Variants in CDKL5 observed in about 807,000 individuals in gnomAD.
CDKL5 encodes cyclin-dependent kinase-like 5.
A neutral mutation model predicts 61.7 loss-of-function variants in CDKL5; 8 were observed. That is an observed-to-expected ratio of 0.13 (90% CI 0.08 to 0.23). CDKL5 has a LOEUF of 0.23. Among genes scored for constraint, CDKL5 ranks in the 10% least tolerant of loss-of-function variants. The pLI, the probability that CDKL5 is intolerant of heterozygous loss-of-function variation, is 1.00. For synonymous variants in CDKL5, 275 were observed against 272.3 expected (o/e 1.01, Z -0.10); for missense variants, 440 against 734.5 (o/e 0.60, Z 4.63).
At chrX:18,523,840 C>A (rs1923337864) in intron 3 of CDKL5, among the ~76,000 whole-genome samples, 1 of 111,870 alleles carries the variant, frequency 8.9e-6, no homozygotes, top group South Asian at 3.7e-4. Context: ...GTTTTCAATT[C>A]TTTTGAATAT....
chrX:18,615,330 G>C (rs982873241), intron 15 of CDKL5, among the ~76,000 whole-genome samples: 3 of 112,038 alleles, frequency 2.7e-5, no homozygotes, highest in African/African-American at 9.7e-5. Flanking sequence ...TGGTTCATCA[G>C]ATTCTTCATA....
At chrX:18,484,819 C>T (rs747474892) in intron 1 of CDKL5, among the ~76,000 whole-genome samples, 2 of 109,425 alleles carry the variant, frequency 1.8e-5, no homozygotes, top group South Asian at 8.1e-4. Context: ...TGGTGGGGGG[C>T]AGGATCTCTC....
At chrX:18,558,097 C>G (rs1334755419) in intron 3 of CDKL5, among the ~76,000 whole-genome samples, 1 of 110,941 alleles carries the variant, frequency 9.0e-6, no homozygotes, top group Non-Finnish European at 1.9e-5. Context: ...TACCTAGTCT[C>G]TCTGTTTGTG....
chrX:18,470,616 G>C (rs1384053385), intron 1 of CDKL5, among the ~76,000 whole-genome samples: 5 of 111,015 alleles, frequency 4.5e-5, no homozygotes, highest in Admixed American at 1.9e-4. Context: ...ATGGTAATCA[G>C]ACTGTACACA....
intron 19 of CDKL5, among the ~76,000 whole-genome samples, chrX:18,645,509 C>T (rs1453854807): frequency 9.1e-6 from 1 of 109,596 alleles, no homozygotes; most frequent in African/African-American, 3.3e-5. Context: ...TGCCGGCCAC[C>T]TGAGAACCAT....
intron 1 of CDKL5, among the ~76,000 whole-genome samples, chrX:18,494,264 TG>T (rs1748127071): frequency 9.1e-6 from 1 of 110,375 alleles, no homozygotes; most frequent in African/African-American, 3.3e-5. Flanking sequence ...TCTTTTTTTT[TG>T]GGGACAAAGT....
intron 3 of CDKL5, among the ~76,000 whole-genome samples, chrX:18,522,820 G>C (rs1489817694): frequency 2.2e-5 from 2 of 90,780 alleles, no homozygotes; most frequent in African/African-American, 8.5e-5. Context: ...TTTGGAGACA[G>C]AGGCTCTGTC....
intron 20 of CDKL5, among the ~76,000 whole-genome samples, chrX:18,646,675 A>T (rs1323448498): frequency 9.0e-6 from 1 of 111,158 alleles, no homozygotes; most frequent in Non-Finnish European, 1.9e-5. Context: ...CTTGTGCTTC[A>T]GGCTTGCTGC....
chrX:18,555,919 A>T (rs1924587191), intron 3 of CDKL5, among the ~76,000 whole-genome samples: 1 of 112,245 alleles, frequency 8.9e-6, no homozygotes, highest in African/African-American at 3.2e-5. Flanking sequence ...TTAGCAGTAA[A>T]TCTAACTTTT....
chrX:18,589,934 T>G (rs1196753287), intron 9 of CDKL5: 4 of 112,740 alleles, frequency 3.5e-5, no homozygotes, highest in African/African-American at 1.3e-4. Flanking sequence ...ATAAATGTCT[T>G]CTTTTGAGAA....
chrX:18,614,967 G>A (rs1265319145), intron 15 of CDKL5, among the ~76,000 whole-genome samples: 1 of 112,718 alleles, frequency 8.9e-6, no homozygotes, highest in Non-Finnish European at 1.9e-5. Context: ...GAGATAGACA[G>A]TGTTAGTAAT....
At chrX:18,510,731 A>G (rs746294282) in intron 2 of CDKL5, 89 bp from the exon 3 acceptor site, 12 of 738,320 alleles carry the variant, frequency 1.6e-5, no homozygotes, top group Admixed American at 1.6e-4. Flanking sequence ...TTTAGTAGTC[A>G]TTATTATAAC....
At chrX:18,614,067 T>C (rs1366706511) in intron 15 of CDKL5, among the ~76,000 whole-genome samples, 1 of 111,429 alleles carries the variant, frequency 9.0e-6, no homozygotes, top group Admixed American at 9.5e-5. Flanking sequence ...GAGCATAAAA[T>C]GGGACATCAC....
At chrX:18,552,904 G>A (rs181216875) in intron 3 of CDKL5, among the ~76,000 whole-genome samples, 9 of 111,483 alleles carry the variant, frequency 8.1e-5, no homozygotes, top group Admixed American at 7.6e-4. Flanking sequence ...CAGCTGCGAC[G>A]GAGTTGTCAG....
Position 18,573,895 on chromosome X carries a change from G to A in CDKL5, c.146-1459G>A, listed in dbSNP as rs916913982. 2.7e-5 allele frequency among the ~76,000 whole-genome samples: 3 copies of A among 111,824 alleles called. No individual in the cohort carries two copies. The East Asian group carries it at 8.4e-4, about 31-fold the overall frequency. ...TCCCTTTTCTTTAAACTCAGTTTGA[G>A]TTGGGGGTTGGGAAAGGGGGCTGGG... On this transcript the variant is annotated intron_variant, in intron 4 of 17. Coordinates refer to ENST00000623535, the MANE Select transcript of CDKL5 (RefSeq NM_001323289.2).
At chrX:18,509,108 A>G (rs1488975134) in intron 2 of CDKL5, among the ~76,000 whole-genome samples, 1 of 97,258 alleles carries the variant, frequency 1.0e-5, no homozygotes, top group Non-Finnish European at 2.1e-5. Flanking sequence ...ACACACACAC[A>G]CACACACACA....
At chrX:18,469,155 A>C (rs1920995332) in intron 1 of CDKL5, among the ~76,000 whole-genome samples, 1 of 106,904 alleles carries the variant, frequency 9.4e-6, no homozygotes, top group Admixed American at 1.0e-4. Context: ...CCTGGCCAAC[A>C]TGGTGAAACC....
At chrX:18,505,090 T>C (rs985400846) in intron 1 of CDKL5, among the ~76,000 whole-genome samples, 2 of 111,838 alleles carry the variant, frequency 1.8e-5, no homozygotes, top group African/African-American at 6.5e-5. Flanking sequence ...TTTGAAAATA[T>C]TTCAGATTTA....
chrX:18,588,230 C>T, intron 9 of CDKL5, 87 bp downstream of exon 9: 1 of 702,194 alleles, frequency 1.4e-6, no homozygotes, highest in South Asian at 2.2e-5. Flanking sequence ...CTAAACTATC[C>T]TTTGAATACT....
Sources: gnomAD v4.1 joint callset for allele counts (sites outside exome capture counted in the v4.1 genomes callset) on GRCh38, gnomAD v4.1.1 for gene constraint, MANE v1.5 for transcripts, NCBI Gene and HGNC (gene_info 2026-07-23, HGNC 2026-07-21) for gene names.